The following NHEJ1 variants were observed in gnomAD, a reference collection of about 807,000 sequenced individuals.
The protein encoded by NHEJ1 is non-homologous end joining factor 1, also known as non-homologous end-joining factor 1.
NHEJ1 carries 22 observed loss-of-function variants against 39.4 expected under a neutral mutation model. The observed-to-expected ratio is 0.56, with a 90% CI of 0.40 to 0.80. NHEJ1 has a LOEUF of 0.80. NHEJ1 is among the 30% of genes least tolerant of loss of function. The pLI is 0.00. For synonymous variants in NHEJ1, 154 were observed against 135.6 expected, an observed-to-expected ratio of 1.14 and a Z score of -0.94; for missense variants, 329 against 357.1, an observed-to-expected ratio of 0.92 and a Z score of 0.63.
At chr2:219,128,875 C>T (rs1949549208) in intron 5 of NHEJ1, among the ~76,000 whole-genome samples, 1 of 152,234 alleles carries the variant, frequency 6.6e-6, no homozygotes, top group South Asian at 2.1e-4. Flanking sequence ...TCAAGAACTT[C>T]ACCCCCAATG....
At chr2:219,098,640 G>T (rs540789419) in intron 5 of NHEJ1, among the ~76,000 whole-genome samples, 2 of 152,238 alleles carry the variant, frequency 1.3e-5, no homozygotes, top group East Asian at 3.9e-4. Flanking sequence ...TTGAGAGGCA[G>T]GGTCAAGAAC....
At chr2:219,146,244 GC>G (rs1224874421) in intron 5 of NHEJ1, among the ~76,000 whole-genome samples, 1 of 152,070 alleles carries the variant, frequency 6.6e-6, no homozygotes, top group Non-Finnish European at 1.5e-5. Context: ...CCACAAGACA[GC>G]CCCCAAATGG....
intron 5 of NHEJ1, among the ~76,000 whole-genome samples, chr2:219,129,296 T>C (rs12694446): frequency 0.52 from 79,075 of 151,972 alleles, 22,156 homozygotes; most frequent in Non-Finnish European, 0.63. Flanking sequence ...GAACCAAAGA[T>C]CAAAAATCCA....
chr2:219,148,163 G>A (rs1454530303), intron 3 of NHEJ1, among the ~76,000 whole-genome samples: 2 of 152,214 alleles, frequency 1.3e-5, no homozygotes, highest in South Asian at 2.1e-4. Flanking sequence ...AGAGGCTGAG[G>A]CACAAGAATT....
intron 5 of NHEJ1, among the ~76,000 whole-genome samples, chr2:219,109,093 C>T (rs79572362): frequency 0.043 from 6,558 of 152,258 alleles, 479 homozygotes; most frequent in African/African-American, 0.15. Flanking sequence ...TGCCCCAGCA[C>T]CTAAACTATG....
intron 5 of NHEJ1, among the ~76,000 whole-genome samples, chr2:219,106,626 G>A (rs531544626): frequency 4.6e-5 from 7 of 152,268 alleles, no homozygotes; most frequent in African/African-American, 1.4e-4. Flanking sequence ...CATAAAGGAG[G>A]CCTACAACAG....
At position 219,073,748 on chromosome 2, in the gene NHEJ1, G is replaced by GGCCCCA. The variant is rs1438835878; in HGVS notation, c.*2627_*2632dup. On this transcript the variant is annotated 3_prime_UTR_variant, in exon 8 of 8. Coordinates refer to ENST00000356853, the MANE Select transcript of NHEJ1 (RefSeq NM_024782.3). ...GTCCCTTCTCCCACCAGCCAGCCCTGGCCCCAGCCCCAGCCCCGGGGAGCG... is the reference window on the plus strand; with the variant it reads ...GTCCCTTCTCCCACCAGCCAGCCCTGGCCCCAGCCCCAGCCCCAGCCCCGGGGAGCG... 1.3e-5 allele frequency among the ~76,000 whole-genome samples: 2 copies of GGCCCCA among 152,252 alleles called. No homozygotes were observed. The highest frequency in any genetic ancestry group is 2.1e-4 in the South Asian group (1 of 4,832).
intron 5 of NHEJ1, among the ~76,000 whole-genome samples, chr2:219,136,343 C>T (rs1196958218): frequency 1.4e-5 from 2 of 146,024 alleles, no homozygotes; most frequent in Admixed American, 1.4e-4. Flanking sequence ...GGCTGGAGTG[C>T]AGTGATGCAA....
chr2:219,077,194 G>A (rs1949021476), intron 7 of NHEJ1, 52 bp downstream of exon 7: 6 of 1,318,192 alleles, frequency 4.6e-6, no homozygotes, highest in South Asian at 3.5e-5. Flanking sequence ...TGGCTTGGGG[G>A]CTATAGGTGC....
intron 5 of NHEJ1, among the ~76,000 whole-genome samples, chr2:219,140,253 C>G (rs1165876254): frequency 6.6e-6 from 1 of 152,150 alleles, no homozygotes; most frequent in Admixed American, 6.5e-5. Context: ...TAAGAGAGTT[C>G]TATAAGATCA....
rs1002100956 is a variant in NHEJ1, at chr2:219,070,694, T to A, written c.*5687A>T. On this transcript the variant is annotated 3_prime_UTR_variant, in exon 8 of 8. Transcript: ENST00000356853. ...CAATCTTTTCTTTCTTTTTTTTTTT[T>A]AATTCAAAATACCATTGTACAGCTT... Among the ~76,000 whole-genome samples the A allele has an allele frequency of 1.4e-4, 22 of 152,016 alleles. No individual in the cohort carries two copies. Among genetic ancestry groups the A allele is most frequent in the Non-Finnish European group, 2.5e-4 (17 of 67,984 alleles).
chr2:219,148,851 G>A (rs958095900), intron 3 of NHEJ1, among the ~76,000 whole-genome samples: 2 of 151,766 alleles, frequency 1.3e-5, no homozygotes, highest in Non-Finnish European at 2.9e-5. Flanking sequence ...ACTAGCCTAG[G>A]AAGGTATAAG....
intron 6 of NHEJ1, 136 bp downstream of exon 6, chr2:219,077,953 C>A (rs1949029370): frequency 2.8e-6 from 2 of 720,496 alleles, no homozygotes; most frequent in Admixed American, 2.2e-5. Context: ...AGAGAAAATG[C>A]ATTTTTAGTT....
chr2:219,154,766 A>G (rs1038652483), intron 3 of NHEJ1, among the ~76,000 whole-genome samples: 1 of 151,370 alleles, frequency 6.6e-6, no homozygotes, highest in African/African-American at 2.4e-5. Flanking sequence ...ATCCCTTCCT[A>G]AACACTGTTG....
chr2:219,160,138 T>G (rs947053695), intron 1 of NHEJ1, among the ~76,000 whole-genome samples: 15 of 152,086 alleles, frequency 9.9e-5, no homozygotes, highest in Admixed American at 9.2e-4. Context: ...TTCTCTTGAG[T>G]GGAGGGGCGC....
chr2:219,148,223 C>T (rs951705619), intron 3 of NHEJ1, among the ~76,000 whole-genome samples: 15 of 152,192 alleles, frequency 9.9e-5, no homozygotes, highest in African/African-American at 3.6e-4. Flanking sequence ...TGCACCACTG[C>T]ATTCTAGCCT....
chr2:219,118,373 A>AC (rs1949435420), intron 5 of NHEJ1, among the ~76,000 whole-genome samples: 1 of 138,868 alleles, frequency 7.2e-6, no homozygotes, highest in African/African-American at 2.7e-5. Context: ...TGGAGAATGG[A>AC]CACTAAGGAA....
At chr2:219,099,515 C>T (rs2106332184) in intron 5 of NHEJ1, among the ~76,000 whole-genome samples, 1 of 152,288 alleles carries the variant, frequency 6.6e-6, no homozygotes, top group South Asian at 2.1e-4. Flanking sequence ...AGGAGCTAAA[C>T]TCCTCAAGAA....
intron 5 of NHEJ1, among the ~76,000 whole-genome samples, chr2:219,094,607 A>C (rs544059084): frequency 1.3e-5 from 2 of 152,150 alleles, no homozygotes; most frequent in African/African-American, 2.4e-5. Flanking sequence ...GGTGTAGTAC[A>C]TCTCACACTC....
Sources: gnomAD v4.1 joint callset for allele counts (sites outside exome capture counted in the v4.1 genomes callset) on GRCh38, gnomAD v4.1.1 for gene constraint, MANE v1.5 for transcripts, NCBI Gene and HGNC (gene_info 2026-07-23, HGNC 2026-07-21) for gene names.